LEO1: variants seen among roughly 807,000 people sequenced by gnomAD.
The protein encoded by LEO1 is LEO1 component of Paf1/RNA polymerase II complex, also known as RNA polymerase-associated protein LEO1.
In LEO1, 34 loss-of-function variants were observed where a neutral mutation model predicts 80.4. That is an observed-to-expected ratio of 0.42 (90% CI 0.32 to 0.56). The LOEUF (loss-of-function observed/expected upper bound fraction) is 0.56, where lower values mean the gene tolerates loss of function less well. LEO1 is among the 20% of genes least tolerant of loss of function. LEO1 has a pLI of 0.10. For synonymous variants in LEO1, 262 were observed against 274.9 expected (o/e 0.95, Z 0.46); for missense variants, 631 against 814.2 (o/e 0.77, Z 2.74).
chr15:51,943,812 T>G (rs2056877152), intron 11 of LEO1, among the ~76,000 whole-genome samples: 1 of 148,328 alleles, frequency 6.7e-6, no homozygotes, highest in Admixed American at 6.7e-5. Flanking sequence ...AAATGGGAAT[T>G]CTTACACTGA....
chr15:51,945,016 A>G (rs1595931422), intron 11 of LEO1, among the ~76,000 whole-genome samples: 1 of 152,282 alleles, frequency 6.6e-6, no homozygotes, highest in East Asian at 1.9e-4. Flanking sequence ...TTTCACAGGC[A>G]CAATCAACAT....
intron 7 of LEO1, among the ~76,000 whole-genome samples, chr15:51,953,482 A>G (rs937034000): frequency 6.6e-6 from 1 of 152,108 alleles, no homozygotes. Context: ...TCAGCTAGGC[A>G]TGGAGGCACA....
In LEO1 at chr15:51,960,008, C is replaced by G; in HGVS notation, c.1051G>C (p.Glu351Gln). The G allele has an allele frequency of 6.2e-7, 1 of 1,613,366 alleles. No homozygotes were observed. Among genetic ancestry groups the G allele is most frequent in the Non-Finnish European group, 8.5e-7 (1 of 1,179,748 alleles). The stretch of plus-strand genomic sequence containing the variant: ...TCTATTCTGGTCTCAGGAATTGGCT[C>G]CTCTTCCTGTTGATCCTGAGGCAAT... ...NGLPQDQQEE[E>Q]PIPETRIEVE... Residue 351 changes from glutamate (E) to glutamine (Q), a missense_variant, in exon 5 of 12, where the codon GAG (glutamate) becomes CAG (glutamine). Physicochemically the swap from Glu to Gln is conservative, Grantham distance 29 (BLOSUM62 2). Around this residue, in one of 4 missense-constraint regions of LEO1, gnomAD observed 95 missense variants for 171.7 expected, o/e 0.55. Transcript: ENST00000299601.
chr15:51,949,209 A>G (rs2056926843), intron 10 of LEO1, among the ~76,000 whole-genome samples: 1 of 152,232 alleles, frequency 6.6e-6, no homozygotes, highest in Non-Finnish European at 1.5e-5. Context: ...ATATCACATA[A>G]TTTCTGAATA....
chr15:51,958,349 G>A (rs919237538), intron 6 of LEO1, among the ~76,000 whole-genome samples: 5 of 151,642 alleles, frequency 3.3e-5, no homozygotes, highest in Non-Finnish European at 5.9e-5. Flanking sequence ...CAGCTACTCA[G>A]GAGGCTGAGA....
chr15:51,966,299 T>C lies in LEO1; in HGVS notation c.264A>G (p.Ser88=). Residue 88 remains serine, a synonymous_variant, in exon 2 of 12, where the codon TCA becomes TCG. Coordinates refer to ENST00000299601, the MANE Select transcript of LEO1 (RefSeq NM_138792.4). ...CATGGTCAGAACGCTCAGAAGCTTC[T>C]GATCTATTGTCTGATCTTTCAGAGT... The part of the protein sequence containing the change: ...DNHSERSDNR[S]EASERSDHED... 1 of 1,614,170 alleles carries C rather than the reference T, an allele frequency of 6.2e-7. No individual in the cohort carries two copies. The highest frequency in any genetic ancestry group is 1.7e-5 in the Admixed American group (1 of 60,020).
Position 51,949,997 on chromosome 15 carries a change from G to A in LEO1, c.1612-3C>T, listed in dbSNP as rs1297788351. The A allele has an allele frequency of 1.9e-6, 3 of 1,607,496 alleles. No homozygotes were observed. On this transcript the variant is annotated splice_region_variant and splice_polypyrimidine_tract_variant and intron_variant, in intron 9 of 11. Transcript: ENST00000299601. ...GCCCTCAAACGTTCTTCTTCTTTCT[G>A]TAAAGAAGCAAATAACCTCTTTAAC...
chr15:51,944,086 C>T (rs2056879993), intron 11 of LEO1, among the ~76,000 whole-genome samples: 1 of 152,112 alleles, frequency 6.6e-6, no homozygotes. Flanking sequence ...TGTTGAAAAA[C>T]ATTACCCTAC....
At chr15:51,961,822 C>A (rs80166188) in intron 3 of LEO1, among the ~76,000 whole-genome samples, 2,286 of 151,598 alleles carry the variant, frequency 0.015, 65 homozygotes, top group East Asian at 0.073. Context: ...GACATTGTAA[C>A]CTCCATCCCA....
intron 2 of LEO1, 126 bp from the exon 3 acceptor site, chr15:51,962,619 G>A: frequency 1.6e-6 from 1 of 631,538 alleles, no homozygotes; most frequent in Non-Finnish European, 2.7e-6. Context: ...AAAGAGGAAT[G>A]AACTGCTGAT....
At chr15:51,961,725 C>G (rs1322863078) in intron 3 of LEO1, among the ~76,000 whole-genome samples, 1 of 145,424 alleles carries the variant, frequency 6.9e-6, no homozygotes, top group Admixed American at 7.2e-5. Flanking sequence ...CTTCATCTAA[C>G]TCACAGCTCA....
chr15:51,950,151 C>A (rs1254255757), intron 9 of LEO1, among the ~76,000 whole-genome samples, 157 bp from the exon 10 acceptor site: 6 of 152,232 alleles, frequency 3.9e-5, no homozygotes, highest in Non-Finnish European at 7.3e-5. Flanking sequence ...CAGGGACCCT[C>A]TGGTTTGGTT....
At chr15:51,946,682 A>C (rs1414117482) in intron 11 of LEO1, among the ~76,000 whole-genome samples, 1 of 151,864 alleles carries the variant, frequency 6.6e-6, no homozygotes, top group East Asian at 1.9e-4. Context: ...CTGAGACTAC[A>C]GGCACACACC....
At chr15:51,971,164 G>A (rs2057119729) in intron 1 of LEO1, among the ~76,000 whole-genome samples, 1 of 152,066 alleles carries the variant, frequency 6.6e-6, no homozygotes, top group African/African-American at 2.4e-5. Flanking sequence ...TCTCCTATGT[G>A]AAACATCTAT....
intron 11 of LEO1, among the ~76,000 whole-genome samples, chr15:51,938,470 G>T (rs536973341): frequency 6.6e-6 from 1 of 152,346 alleles, no homozygotes; most frequent in East Asian, 1.9e-4. Flanking sequence ...CAGGAAACTG[G>T]AGACAGGATT....
intron 1 of LEO1, among the ~76,000 whole-genome samples, chr15:51,968,556 C>T (rs1265123122): frequency 1.3e-5 from 2 of 151,494 alleles, no homozygotes; most frequent in Admixed American, 6.6e-5. Flanking sequence ...GAAGGCCAGG[C>T]GCAGTGGCTC....
chr15:51,966,323 G>C lies in LEO1; in HGVS notation c.240C>G (p.His80Gln), dbSNP rs756701049. 6.2e-7 allele frequency: 1 copy of C among 1,614,052 alleles called. No individual in the cohort carries two copies. The highest frequency in any genetic ancestry group is 1.3e-5 in the African/African-American group (1 of 74,926). ...CTGATCTATTGTCTGATCTTTCAGAGTGATTATCACTACCACTATGATGTG... is the reference window on the plus strand; with the variant it reads ...CTGATCTATTGTCTGATCTTTCAGACTGATTATCACTACCACTATGATGTG... ...GASHHSGSDN[H>Q]SERSDNRSEA... The change falls in exon 2 of 12, where the codon CAC becomes CAG. Residue 80 changes from histidine (H) to glutamine (Q), a missense_variant. His to Gln is a conservative substitution (Grantham distance 24). Around this residue, in one of 4 missense-constraint regions of LEO1, gnomAD observed 394 missense variants for 395.6 expected, o/e 1.00. Transcript: ENST00000299601.
intron 11 of LEO1, among the ~76,000 whole-genome samples, chr15:51,940,254 C>CAAAAA (rs745641318): frequency 2.6e-5 from 1 of 37,926 alleles, no homozygotes; most frequent in Non-Finnish European, 4.9e-5. Flanking sequence ...GACTCCGTAT[C>CAAAAA]AAAAAAAAAA....
intron 11 of LEO1, among the ~76,000 whole-genome samples, chr15:51,943,713 A>G (rs1424473721): frequency 6.6e-6 from 1 of 151,988 alleles, no homozygotes; most frequent in Non-Finnish European, 1.5e-5. Context: ...AAAAAAAAGA[A>G]AGAAAGAAAG....
Sources: gnomAD v4.1 joint callset for allele counts (sites outside exome capture counted in the v4.1 genomes callset) on GRCh38, gnomAD v4.1.1 for gene constraint, gnomAD v4.1.1 regional missense constraint, MANE v1.5 for transcripts, NCBI Gene and HGNC (gene_info 2026-07-23, HGNC 2026-07-21) for gene names.